The following RASA3 variants were observed in gnomAD, a reference collection of about 807,000 sequenced individuals.
RASA3 encodes the protein RAS p21 protein activator 3.
In RASA3, 73 loss-of-function variants were observed where a neutral mutation model predicts 110.0. The ratio of observed to expected loss-of-function variants is 0.66; its 90% confidence interval spans 0.55 to 0.81. RASA3 has a LOEUF of 0.81. RASA3 is among the 30% of genes least tolerant of loss of function. The probability of loss-of-function intolerance (pLI) is 0.00; values close to 1 mark genes in which losing one functional copy is unlikely to be tolerated. For synonymous variants in RASA3, 500 were observed against 451.4 expected (o/e 1.11, Z -1.37); for missense variants, 976 against 1,113.2 (o/e 0.88, Z 1.75).
At chr13:114,018,702 T>C in intron 10 of RASA3, 61 bp downstream of exon 10, 1 of 1,585,896 alleles carries the variant, frequency 6.3e-7, no homozygotes, top group South Asian at 1.1e-5. Flanking sequence ...GGGTGTAGGG[T>C]GGGGCCCCAG....
At chr13:113,996,880 C>T in intron 20 of RASA3, 141 bp from the exon 21 acceptor site, 1 of 727,994 alleles carries the variant, frequency 1.4e-6, no homozygotes. Context: ...AGTCCTGGAG[C>T]TCTAAGCCCC....
At chr13:114,047,153 A>G (rs1406081946) in intron 3 of RASA3, among the ~76,000 whole-genome samples, 1 of 152,248 alleles carries the variant, frequency 6.6e-6, no homozygotes, top group Non-Finnish European at 1.5e-5. Context: ...GGAAGAAAAT[A>G]TTTGCAAAGC....
In RASA3 at chr13:113,996,687, C is replaced by A; in HGVS notation, c.1985G>T (p.Cys662Phe). The A allele has an allele frequency of 1.2e-6, 2 of 1,613,840 alleles. No homozygotes were observed. The highest frequency in any genetic ancestry group is 2.2e-5 in the East Asian group (1 of 44,882). Reference sequence around the variant, plus strand: ...GTCGATCCAGTCCTTGGCCTCCACGCAGTTGTTGGCCTGGATGTACAGCGC... The same window carrying A: ...GTCGATCCAGTCCTTGGCCTCCACGAAGTTGTTGGCCTGGATGTACAGCGC... ...ERALYIQANN[C>F]VEAKDWIDIL... Residue 662 changes from cysteine (C) to phenylalanine (F), a missense_variant, in exon 21 of 24, where the codon TGC becomes TTC. Physicochemically the swap from Cys to Phe is radical, Grantham distance 205. Around this residue, in one of 4 missense-constraint regions of RASA3, gnomAD observed 109 missense variants for 162.5 expected, o/e 0.67. Coordinates refer to ENST00000334062, the MANE Select transcript of RASA3 (RefSeq NM_007368.4).
Position 114,114,500 on chromosome 13 carries a change from C to G in RASA3, c.55+17935G>C, listed in dbSNP as rs2080254624. Among the ~76,000 whole-genome samples, 1 of 152,188 alleles carries G rather than the reference C, an allele frequency of 6.6e-6. No individual in the cohort carries two copies. The highest frequency in any genetic ancestry group is 2.4e-5 in the African/African-American group (1 of 41,436). On this transcript the variant is annotated intron_variant, in intron 1 of 23. Coordinates refer to ENST00000334062, the MANE Select transcript of RASA3 (RefSeq NM_007368.4). This position sits in a 1 kb window ranked among gnomAD's most constrained non-coding sequence, Gnocchi z 4.8. ...CTCTGTCAGCCAAAGTGAGGTCTGA[C>G]CACAAAAGCTACCCATTCACTTGCT... is the stretch of plus-strand genomic sequence containing the variant.
chr13:114,038,706 C>CGGTTCCCAGAGGACGAG lies in RASA3; in HGVS notation c.372+2277_372+2293dup, dbSNP rs201413598. On this transcript the variant is annotated intron_variant, in intron 4 of 23. Transcript: ENST00000334062. ...GAGGATGAGGGTTGCCAGGGCAAGACGGTTCCCAGAGGACGAGGGTTCCCA... is the reference window on the plus strand; with the variant it reads ...GAGGATGAGGGTTGCCAGGGCAAGACGGTTCCCAGAGGACGAGGGTTCCCAGAGGACGAGGGTTCCCA... Among the ~76,000 whole-genome samples the CGGTTCCCAGAGGACGAG allele has an allele frequency of 6.1e-3, 927 of 152,120 alleles. 3 individuals carry two copies. The highest frequency in any genetic ancestry group is 0.017 in the African/African-American group (709 of 41,478).
At chr13:114,023,848 G>T (rs1277166550) in intron 8 of RASA3, among the ~76,000 whole-genome samples, 1 of 152,226 alleles carries the variant, frequency 6.6e-6, no homozygotes, top group African/African-American at 2.4e-5. Flanking sequence ...AGGGGACAGG[G>T]TCTCCACAGA....
intron 1 of RASA3, among the ~76,000 whole-genome samples, chr13:114,089,890 G>T (rs2079870025): frequency 6.6e-6 from 1 of 151,660 alleles, no homozygotes; most frequent in African/African-American, 2.4e-5. Context: ...TCATGGAATG[G>T]GACCACACGG....
chr13:114,083,353 G>T (rs1009567283), intron 1 of RASA3, among the ~76,000 whole-genome samples: 9 of 152,220 alleles, frequency 5.9e-5, no homozygotes, highest in Admixed American at 4.6e-4. Context: ...GATTTCTGTG[G>T]TGTGAACATT....
At chr13:113,992,371 C>T (rs1442007324) in intron 22 of RASA3, 114 bp downstream of exon 22, 3 of 760,202 alleles carry the variant, frequency 3.9e-6, no homozygotes, top group African/African-American at 1.7e-5. Context: ...TACATGTAGC[C>T]CACACTACAC....
intron 2 of RASA3, among the ~76,000 whole-genome samples, chr13:114,073,466 T>A (rs1594425370): frequency 7.7e-6 from 1 of 129,120 alleles, no homozygotes; most frequent in Non-Finnish European, 1.6e-5. Context: ...AATGGGACGG[T>A]GATGTACATG....
intron 1 of RASA3, among the ~76,000 whole-genome samples, chr13:114,080,493 G>T (rs968769337): frequency 6.6e-6 from 1 of 152,178 alleles, no homozygotes; most frequent in South Asian, 2.1e-4. Flanking sequence ...GGCACGGGAG[G>T]TTCTGCTGAG....
Position 113,991,206 on chromosome 13 carries a change from A to G in RASA3, c.2245+1279T>C, listed in dbSNP as rs1239969229. 2.5e-5 allele frequency among the ~76,000 whole-genome samples: 2 copies of G among 80,684 alleles called. 1 individual carries two copies. Among genetic ancestry groups the G allele is most frequent in the Non-Finnish European group, 4.6e-5 (2 of 43,502 alleles). 52.9% of individuals were successfully genotyped at this position (80,684 alleles called of 152,430 possible). A position where few individuals can be genotyped will look rare whatever the true frequency, so the allele number is the denominator to read the frequency against. ...ACACCCAGGGCATGCGGGGCTGGAGAACAGGCGTGGCCAAGCTCACAGATG... is the reference window on the plus strand; with the variant it reads ...ACACCCAGGGCATGCGGGGCTGGAGGACAGGCGTGGCCAAGCTCACAGATG... On this transcript the variant is annotated intron_variant, in intron 22 of 23. Coordinates refer to ENST00000334062, the MANE Select transcript of RASA3 (RefSeq NM_007368.4).
chr13:113,979,816 G>A (rs569945470), intron 23 of RASA3, among the ~76,000 whole-genome samples: 6 of 152,230 alleles, frequency 3.9e-5, no homozygotes, highest in Middle Eastern at 3.4e-3. Context: ...CTCAGCAGGC[G>A]TGGGCACCTC....
At chr13:113,979,514 G>A (rs2052858207) in intron 23 of RASA3, 92 bp from the exon 24 acceptor site, 1 of 1,022,982 alleles carries the variant, frequency 9.8e-7, no homozygotes, top group African/African-American at 1.6e-5. Flanking sequence ...TCCTAAATGT[G>A]ACACACTCAC....
chr13:114,075,958 TGGGTGTGG>T (rs2079672548), intron 1 of RASA3, among the ~76,000 whole-genome samples: 1 of 115,258 alleles, frequency 8.7e-6, no homozygotes, highest in Non-Finnish European at 1.9e-5. Context: ...CGCGTATCTC[TGGGTGTGG>T]AGGCGCCGGC....
intron 4 of RASA3, among the ~76,000 whole-genome samples, chr13:114,031,275 CTGTGTG>C (rs145450462): frequency 6.6e-6 from 1 of 150,874 alleles, no homozygotes; most frequent in Admixed American, 6.6e-5. Flanking sequence ...TTGCATGAAA[CTGTGTG>C]TGTCTGCCTG....
chr13:113,988,783 C>T (rs1392935255), intron 22 of RASA3, among the ~76,000 whole-genome samples: 1 of 139,376 alleles, frequency 7.2e-6, no homozygotes, highest in African/African-American at 2.8e-5. Flanking sequence ...TAACACTCAC[C>T]CATCTGCCCA....
intron 21 of RASA3, among the ~76,000 whole-genome samples, chr13:113,996,141 C>T (rs960383013): frequency 6.6e-5 from 10 of 151,684 alleles, no homozygotes; most frequent in Non-Finnish European, 1.2e-4. Flanking sequence ...CGGGCTGCTG[C>T]GTCATGTGGA....
rs373979685 is a variant in RASA3, at chr13:114,039,191, A to G, written c.372+1809T>C. Among the ~76,000 whole-genome samples the G allele has an allele frequency of 5.3e-5, 8 of 150,660 alleles. No individual in the cohort carries two copies. In the East Asian group the frequency reaches 1.6e-3, roughly 30 times the overall value. ...CTGAGGACCCAGGAAGCCCTCCCAC[A>G]TCCCAGGGCCGCTGTGCTGCAACCC... On this transcript the variant is annotated intron_variant, in intron 4 of 23. Coordinates refer to ENST00000334062, the MANE Select transcript of RASA3 (RefSeq NM_007368.4).
Sources: gnomAD v4.1 joint callset for allele counts (sites outside exome capture counted in the v4.1 genomes callset) on GRCh38, gnomAD v4.1.1 for gene constraint, gnomAD v4.1.1 regional missense constraint, Gnocchi (gnomAD v3.1) non-coding constraint, MANE v1.5 for transcripts, NCBI Gene and HGNC (gene_info 2026-07-23, HGNC 2026-07-21) for gene names.